The following CAMK4 variants were observed in gnomAD, a reference collection of about 807,000 sequenced individuals.
CAMK4 encodes calcium/calmodulin dependent protein kinase IV.
A neutral mutation model predicts 44.9 loss-of-function variants in CAMK4; 22 were observed. The observed-to-expected ratio is 0.49, with a 90% CI of 0.35 to 0.70. CAMK4 has a LOEUF of 0.70. Among genes scored for constraint, CAMK4 ranks in the 30% least tolerant of loss-of-function variants. The probability of loss-of-function intolerance (pLI) is 0.01; values close to 1 mark genes in which losing one functional copy is unlikely to be tolerated. For missense variants in CAMK4, 498 were observed against 586.8 expected (o/e 0.85, Z 1.56); for synonymous variants, 218 against 215.4 (o/e 1.01, Z -0.11).
At chr5:111,451,457 G>A (rs1372859268) in intron 7 of CAMK4, among the ~76,000 whole-genome samples, 1 of 151,880 alleles carries the variant, frequency 6.6e-6, no homozygotes, top group African/African-American at 2.4e-5. Flanking sequence ...CAGCTAATTT[G>A]TTGTATTTTT....
chr5:111,329,158 C>A (rs1580600333), intron 1 of CAMK4, among the ~76,000 whole-genome samples: 1 of 151,828 alleles, frequency 6.6e-6, no homozygotes, highest in Non-Finnish European at 1.5e-5. Context: ...GCAGAAAAGG[C>A]CTTTGACAAA....
At chr5:111,459,686 C>CTTTTTTTTTTTT (rs56176713) in intron 7 of CAMK4, among the ~76,000 whole-genome samples, 2 of 86,690 alleles carry the variant, frequency 2.3e-5, no homozygotes, top group African/African-American at 1.0e-4. Flanking sequence ...TAGAGACAGT[C>CTTTTTTTTTTTT]TTTTTTTTTT....
At chr5:111,466,587 C>T (rs1199076244) in intron 7 of CAMK4, among the ~76,000 whole-genome samples, 1 of 152,112 alleles carries the variant, frequency 6.6e-6, no homozygotes, top group Non-Finnish European at 1.5e-5. Flanking sequence ...AAGAACCCAA[C>T]CCCTTTTACA....
chr5:111,454,168 T>A (rs1051803996), intron 7 of CAMK4, among the ~76,000 whole-genome samples: 1 of 152,170 alleles, frequency 6.6e-6, no homozygotes, highest in Non-Finnish European at 1.5e-5. Context: ...GACACCCATA[T>A]AATTGACAGA....
intron 7 of CAMK4, among the ~76,000 whole-genome samples, chr5:111,471,024 C>T (rs546453760): frequency 7.9e-5 from 12 of 152,348 alleles, no homozygotes; most frequent in African/African-American, 2.4e-4. Context: ...ACTTCCACCT[C>T]TTGGTAGCCA....
Position 111,467,934 on chromosome 5 carries a change from T to TCACACACACACA in CAMK4, c.626-5351_626-5340dup, listed in dbSNP as rs60254627. ...AATCAGTGAGTTCGTAAAGAAATTG[T>TCACACACACACA]CACACACACACACACACACACACAC... On this transcript the variant is annotated intron_variant, in intron 7 of 10. Transcript: ENST00000282356. Among the ~76,000 whole-genome samples the TCACACACACACA allele has an allele frequency of 5.3e-3, 761 of 143,438 alleles. 2 individuals are homozygous for TCACACACACACA. The highest frequency in any genetic ancestry group is 0.011 in the Middle Eastern group (3 of 282). The allele number at this position is 143,438 out of a possible 152,430, so 94.1% of individuals were successfully genotyped here. A position where few individuals can be genotyped will look rare whatever the true frequency, so the allele number is the denominator to read the frequency against.
At chr5:111,301,518 T>C (rs1432037199) in intron 1 of CAMK4, among the ~76,000 whole-genome samples, 3 of 152,198 alleles carry the variant, frequency 2.0e-5, no homozygotes, top group East Asian at 3.8e-4. Flanking sequence ...GAATCCTTCA[T>C]TGCATCAGAA....
Position 111,249,666 on chromosome 5 carries a change from A to ATGTGTGTG in CAMK4, c.161+25054_161+25061dup, listed in dbSNP as rs3066628. On this transcript the variant is annotated intron_variant, in intron 1 of 10. Transcript: ENST00000282356. ...TATATGTGTGTGTGTGTGTATATAT[A>ATGTGTGTG]TGTGTGTGTGTGTGTGTGTGTGTGT... Among the ~76,000 whole-genome samples the ATGTGTGTG allele has an allele frequency of 8.5e-5, 12 of 140,734 alleles. No individual in the cohort carries two copies. In the East Asian group the frequency reaches 1.5e-3, roughly 17 times the overall value. The allele number at this position is 140,734 out of a possible 152,430, so 92.3% of individuals were successfully genotyped here.
intron 1 of CAMK4, among the ~76,000 whole-genome samples, chr5:111,233,951 A>G (rs1436222431): frequency 6.6e-6 from 1 of 152,192 alleles, no homozygotes. Context: ...AGAAGAAAGT[A>G]TTAGAGAATC....
intron 2 of CAMK4, among the ~76,000 whole-genome samples, chr5:111,363,667 C>T (rs1355350919): frequency 6.6e-6 from 1 of 151,900 alleles, no homozygotes; most frequent in African/African-American, 2.4e-5. Context: ...CTCTAGGTGA[C>T]TCTCAATGAA....
chr5:111,378,969 A>G (rs1470170), intron 4 of CAMK4, among the ~76,000 whole-genome samples: 2 of 147,294 alleles, frequency 1.4e-5, no homozygotes, highest in Non-Finnish European at 3.0e-5. Context: ...TATGCCTATA[A>G]TGGCTCCTTT....
rs1389553036 is a variant in CAMK4, at chr5:111,492,886, G to C, written c.*8420G>C. On this transcript the variant is annotated 3_prime_UTR_variant, in exon 11 of 11. Transcript: ENST00000282356. ...ATGATAAGCCCTAGGAATGGAAAGA[G>C]GGAAAAGCTCCCTTTTGCCAGGAAT... The C allele has an allele frequency of 6.6e-6, 1 of 152,166 alleles. No individual in the cohort carries two copies. The highest frequency in any genetic ancestry group is 1.5e-5 in the Non-Finnish European group (1 of 68,056). The allele number at this position is 152,166 out of a possible 1,614,324, so 9.4% of individuals were successfully genotyped here.
intron 5 of CAMK4, among the ~76,000 whole-genome samples, chr5:111,431,142 G>A (rs550986999): frequency 6.6e-6 from 1 of 152,222 alleles, no homozygotes; most frequent in Non-Finnish European, 1.5e-5. Context: ...ATACTACAGA[G>A]CTATAGTGAC....
chr5:111,224,293 C>A (rs1748050326), upstream of CAMK4: 3 of 778,590 alleles, frequency 3.9e-6, no homozygotes, highest in South Asian at 1.0e-4. This position sits in a 1 kb window ranked among gnomAD's most constrained non-coding sequence, Gnocchi z 5.7. Flanking sequence ...CCCTCGCGCC[C>A]TCTCGCAGAG....
chr5:111,395,177 T>G (rs1751951902), intron 5 of CAMK4, among the ~76,000 whole-genome samples: 1 of 123,846 alleles, frequency 8.1e-6, no homozygotes, highest in Non-Finnish European at 1.6e-5. Flanking sequence ...GCCACTGTAC[T>G]CAAGCCTGGA....
At chr5:111,291,199 C>T (rs1747238503) in intron 1 of CAMK4, among the ~76,000 whole-genome samples, 1 of 152,094 alleles carries the variant, frequency 6.6e-6, no homozygotes, top group African/African-American at 2.4e-5. Flanking sequence ...TAACACTGGT[C>T]ATATCCAGTG....
At chr5:111,308,754 A>G (rs1455439188) in intron 1 of CAMK4, among the ~76,000 whole-genome samples, 1 of 152,226 alleles carries the variant, frequency 6.6e-6, no homozygotes, top group Non-Finnish European at 1.5e-5. Flanking sequence ...TTAGCCCTAA[A>G]TACTGAATTC....
At chr5:111,352,859 A>G (rs1750172702) in intron 2 of CAMK4, among the ~76,000 whole-genome samples, 1 of 152,212 alleles carries the variant, frequency 6.6e-6, no homozygotes, top group African/African-American at 2.4e-5. Flanking sequence ...TTTCCAATAC[A>G]TGAACTTTGG....
chr5:111,404,122 C>A (rs1257474881), intron 5 of CAMK4, among the ~76,000 whole-genome samples: 2 of 152,084 alleles, frequency 1.3e-5, no homozygotes, highest in Non-Finnish European at 2.9e-5. Flanking sequence ...AATGGGTTGG[C>A]TAAGCATACA....
Sources: gnomAD v4.1 joint callset for allele counts (sites outside exome capture counted in the v4.1 genomes callset) on GRCh38, gnomAD v4.1.1 for gene constraint, Gnocchi (gnomAD v3.1) non-coding constraint, MANE v1.5 for transcripts, NCBI Gene and HGNC (gene_info 2026-07-23, HGNC 2026-07-21) for gene names.